MYO18B: variants seen among roughly 807,000 people sequenced by gnomAD.
MYO18B encodes myosin XVIIIB.
A neutral mutation model predicts 273.0 loss-of-function variants in MYO18B; 204 were observed. That is an observed-to-expected ratio of 0.75 (90% CI 0.67 to 0.84). MYO18B has a LOEUF of 0.84. Among genes scored for constraint, MYO18B ranks in the 40% least tolerant of loss-of-function variants. The pLI, the probability that MYO18B is intolerant of heterozygous loss-of-function variation, is 0.00. For synonymous variants in MYO18B, 1,330 were observed against 1,305.7 expected, an observed-to-expected ratio of 1.02 and a Z score of -0.40; for missense variants, 3,212 against 3,287.6, an observed-to-expected ratio of 0.98 and a Z score of 0.56.
chr22:25,986,893 T>C (rs9624944), intron 39 of MYO18B, among the ~76,000 whole-genome samples: 4,114 of 152,352 alleles, frequency 0.027, 168 homozygotes, highest in African/African-American at 0.094. Context: ...CGTTTGCATA[T>C]ATACATGTTT....
Position 25,841,696 on chromosome 22 carries a change from A to G in MYO18B, c.3209-2039A>G, listed in dbSNP as rs186248212. 4.6e-5 allele frequency among the ~76,000 whole-genome samples: 7 copies of G among 152,266 alleles called. No individual in the cohort carries two copies. The East Asian group carries it at 1.4e-3, about 29-fold the overall frequency. ...GAGCCGGGGCTTAGCAAACATCAACATCCTTTCTTCTTTCTTCCCTGTCCC... is the reference window on the plus strand; with the variant it reads ...GAGCCGGGGCTTAGCAAACATCAACGTCCTTTCTTCTTTCTTCCCTGTCCC... On this transcript the variant is annotated intron_variant, in intron 17 of 43. Transcript: ENST00000335473.
intron 42 of MYO18B, among the ~76,000 whole-genome samples, chr22:26,017,442 A>G (rs1569298612): frequency 6.6e-6 from 1 of 151,330 alleles, no homozygotes; most frequent in Admixed American, 6.6e-5. Context: ...CAAGTTGACA[A>G]CATCACAACA....
intron 21 of MYO18B, 76 bp from the exon 22 acceptor site, chr22:25,868,244 C>T: frequency 1.5e-6 from 2 of 1,290,742 alleles, no homozygotes; most frequent in Non-Finnish European, 2.2e-6. Flanking sequence ...CATCAGCCAT[C>T]GAGCCAGCTT....
Position 25,769,285 on chromosome 22 carries a change from G to T in MYO18B, c.1369G>T (p.Gly457Cys). Residue 457 changes from glycine (G) to cysteine (C), a missense_variant, in exon 4 of 44, where the codon GGT (glycine) becomes TGT (cysteine). By Grantham distance (159) the Gly-to-Cys change is radical. Coordinates refer to ENST00000335473, the MANE Select transcript of MYO18B (RefSeq NM_032608.7). ...EPCSRAGDGA[G>C]ALETELEGPS... ...CTGCTCAAGAGCAGGTGATGGGGCT[G>T]GTGCCCTGGAGACAGAGCTGGAAGG... 1 of 1,584,830 alleles carries T rather than the reference G, an allele frequency of 6.3e-7. No individual in the cohort carries two copies. Among genetic ancestry groups the T allele is most frequent in the Non-Finnish European group, 8.6e-7 (1 of 1,166,016 alleles).
rs1936383354 is a variant in MYO18B, at chr22:26,027,909, C to T, written c.*12+219C>T. The T allele has an allele frequency of 2.0e-6, 1 of 500,590 alleles. No individual in the cohort carries two copies. The highest frequency in any genetic ancestry group is 3.6e-5 in the Admixed American group (1 of 27,446). 31.0% of individuals were successfully genotyped at this position (500,590 alleles called of 1,614,324 possible). On this transcript the variant is annotated intron_variant, in intron 43 of 43. Transcript: ENST00000335473. The surrounding 1 kb of genome is among the most constrained non-coding windows in gnomAD (Gnocchi z 4.1). Reference sequence around the variant, plus strand: ...TTCCTTGTACTTTGAAATGCAGACACATCAGAAAGTAAGAGGTTCCTGTGG... The same window carrying T: ...TTCCTTGTACTTTGAAATGCAGACATATCAGAAAGTAAGAGGTTCCTGTGG...
intron 42 of MYO18B, among the ~76,000 whole-genome samples, chr22:26,008,532 A>G (rs1043791897): frequency 6.6e-6 from 1 of 152,210 alleles, no homozygotes; most frequent in South Asian, 2.1e-4. Flanking sequence ...CATTCCCCAC[A>G]TTATTTATAA....
rs749909712 is a variant in MYO18B at position 26,027,567 on chromosome 22, A to C, written c.7593A>C (p.Pro2531=). ...ADSIKSRPGI[P]RLAGDGGERT... is the part of the protein sequence containing the mutation. The stretch of plus-strand genomic sequence containing the variant: ...GCATCAAAAGTCGACCAGGAATCCC[A>C]CGACTTGCGGGTGACGGTGGCGAGC... Residue 2531 remains proline (P), a synonymous_variant, in exon 43 of 44, where the codon CCA becomes CCC. Transcript: ENST00000335473. The surrounding 1 kb of genome is among the most constrained non-coding windows in gnomAD (Gnocchi z 4.1). The C allele has an allele frequency of 6.2e-7, 1 of 1,613,968 alleles. No individual in the cohort carries two copies. Among genetic ancestry groups the C allele is most frequent in the Non-Finnish European group, 8.5e-7 (1 of 1,179,880 alleles).
At chr22:26,032,011 C>T (rs1300412567), downstream of MYO18B, among the ~76,000 whole-genome samples, 1 of 152,186 alleles carries the variant, frequency 6.6e-6, no homozygotes, top group African/African-American at 2.4e-5. Flanking sequence ...AAAAGCTCGC[C>T]AACACTTAGG....
intron 21 of MYO18B, among the ~76,000 whole-genome samples, chr22:25,859,269 A>C (rs1234553687): frequency 1.3e-5 from 2 of 152,190 alleles, no homozygotes; most frequent in African/African-American, 2.4e-5. Context: ...GATCATCTCT[A>C]AACTACATTT....
In MYO18B at chr22:25,779,115, A is replaced by G. The variant is rs1369506298; in HGVS notation, c.2069-941A>G. Reference sequence around the variant, plus strand: ...TCCTTTATGTGTATTTGTGCTTTATACATAAAAAGAGTAAAATTTTTTTTA... The same window carrying G: ...TCCTTTATGTGTATTTGTGCTTTATGCATAAAAAGAGTAAAATTTTTTTTA... On this transcript the variant is annotated intron_variant, in intron 8 of 43. Transcript: ENST00000335473. Among the ~76,000 whole-genome samples the G allele has an allele frequency of 2.0e-5, 3 of 152,318 alleles. No homozygotes were observed. The East Asian group carries it at 5.8e-4, about 29-fold the overall frequency.
chr22:25,997,501 G>T (rs889615193), intron 40 of MYO18B, among the ~76,000 whole-genome samples: 4 of 152,034 alleles, frequency 2.6e-5, no homozygotes, highest in Admixed American at 1.3e-4. Flanking sequence ...CTAATTCTCA[G>T]CAGGCCTTGA....
intron 42 of MYO18B, among the ~76,000 whole-genome samples, chr22:26,008,045 A>G (rs1056547051): frequency 1.3e-5 from 2 of 152,188 alleles, no homozygotes; most frequent in African/African-American, 4.8e-5. Flanking sequence ...AAATTATATA[A>G]TTACATGTAA....
rs779733275 is a variant in MYO18B at position 25,947,749 on chromosome 22, C to T, written c.5669C>T (p.Ala1890Val). Residue 1890 changes from alanine (A) to valine (V), a missense_variant, in exon 36 of 44, where the codon GCG becomes GTG. Transcript: ENST00000335473. ...CTGTACAGGCTGCAGTTTGAGAAGG[C>T]GGACCTCCTGAAGCGCATCGATGAG... ...EQLYRLQFEK[A>V]DLLKRIDEDQ... 7.4e-6 allele frequency: 12 copies of T among 1,613,664 alleles called. No individual in the cohort carries two copies. Among genetic ancestry groups the T allele is most frequent in the Middle Eastern group, 1.7e-4 (1 of 5,980 alleles).
chr22:25,982,147 A>G, intron 39 of MYO18B, among the ~76,000 whole-genome samples: 1 of 152,148 alleles, frequency 6.6e-6, no homozygotes, highest in Admixed American at 6.5e-5. Context: ...CCATGATCCA[A>G]TCACCTCCCA....
chr22:25,789,203 A>G (rs1472765785), intron 11 of MYO18B, among the ~76,000 whole-genome samples: 2 of 151,858 alleles, frequency 1.3e-5, no homozygotes, highest in African/African-American at 2.4e-5. Context: ...GCTCCCCAAC[A>G]GCAAGACACG....
At chr22:25,967,007 T>C (rs900131819) in intron 39 of MYO18B, among the ~76,000 whole-genome samples, 2 of 152,212 alleles carry the variant, frequency 1.3e-5, no homozygotes, top group African/African-American at 4.8e-5. Flanking sequence ...CTTGTGGCTT[T>C]GTTTCTGCAT....
rs1167322844 is a variant in MYO18B at position 25,864,818 on chromosome 22, A to T, written c.3886-3502A>T. Among the ~76,000 whole-genome samples, 3 of 152,228 alleles carry T rather than the reference A, an allele frequency of 2.0e-5. No homozygotes were observed. The East Asian group carries it at 5.8e-4, about 29-fold the overall frequency. On this transcript the variant is annotated intron_variant, in intron 21 of 43. Transcript: ENST00000335473. ...TGTGTTTTCTTGGAGAAAAATGGCC[A>T]CATTTGACTCACGAAAAAGCAGCAT...
At position 25,968,458 on chromosome 22, in the gene MYO18B, G is replaced by T. The variant is rs2093002375; in HGVS notation, c.6156+13094G>T. On this transcript the variant is annotated intron_variant, in intron 39 of 43. Coordinates refer to ENST00000335473, the MANE Select transcript of MYO18B (RefSeq NM_032608.7). ...GCCACATCTGTGGGCCTTGACTCTT[G>T]CAGAGATCTCTCTGCCTTGCCACAG... Among the ~76,000 whole-genome samples, 7 of 152,246 alleles carry T rather than the reference G, an allele frequency of 4.6e-5. 1 individual carries two copies. In the South Asian group the frequency reaches 1.5e-3, roughly 32 times the overall value.
At chr22:26,057,419 T>C in the MYO18B span, among the ~76,000 whole-genome samples, 1 of 152,172 alleles carries the variant, frequency 6.6e-6, no homozygotes, top group Non-Finnish European at 1.5e-5. Context: ...TATGAGACTG[T>C]CATAAAGTTG....
Sources: gnomAD v4.1 joint callset for allele counts (sites outside exome capture counted in the v4.1 genomes callset) on GRCh38, gnomAD v4.1.1 for gene constraint, Gnocchi (gnomAD v3.1) non-coding constraint, MANE v1.5 for transcripts, NCBI Gene and HGNC (gene_info 2026-07-23, HGNC 2026-07-21) for gene names.